Variants in XKR6 observed in about 807,000 individuals in gnomAD.
XKR6 encodes XK-related protein 6.
XKR6 carries 22 observed loss-of-function variants against 56.7 expected under a neutral mutation model. That is an observed-to-expected ratio of 0.39 (90% confidence interval 0.28 to 0.55). XKR6 has a LOEUF of 0.55. Among genes scored for constraint, XKR6 ranks in the 20% least tolerant of loss-of-function variants. XKR6 has a pLI of 0.66. For synonymous variants in XKR6, 524 were observed against 387.8 expected, an observed-to-expected ratio of 1.35 and a Z score of -4.13; for missense variants, 852 against 889.0, an observed-to-expected ratio of 0.96 and a Z score of 0.53.
intron 1 of XKR6, among the ~76,000 whole-genome samples, chr8:11,095,091 T>C (rs970918027): frequency 6.6e-6 from 1 of 152,186 alleles, no homozygotes; most frequent in Admixed American, 6.5e-5. Flanking sequence ...AATTTCCTTA[T>C]AAAATCTTTA....
intron 1 of XKR6, among the ~76,000 whole-genome samples, chr8:11,008,146 TG>T (rs913988803): frequency 2.0e-5 from 3 of 152,208 alleles, no homozygotes; most frequent in African/African-American, 7.2e-5. Flanking sequence ...CACGATGCCC[TG>T]TCCTGCTCAA....
intron 1 of XKR6, among the ~76,000 whole-genome samples, chr8:11,146,112 T>C (rs966018241): frequency 3.9e-5 from 6 of 152,124 alleles, no homozygotes; most frequent in African/African-American, 9.7e-5. Context: ...CAAATAGTAA[T>C]AGAACAACTG....
rs1315136330 is a variant in XKR6, at chr8:10,911,353, GTGTA to G, written c.962-12441_962-12438del. 9.4e-4 allele frequency among the ~76,000 whole-genome samples: 135 copies of G among 144,012 alleles called. 1 individual carries two copies. The highest frequency in any genetic ancestry group is 2.5e-3 in the African/African-American group (97 of 38,500). The allele number at this position is 144,012 out of a possible 152,430, so 94.5% of individuals were successfully genotyped here. The stretch of plus-strand genomic sequence containing the variant: ...TATATATATATATGTGTGTGTGTGT[GTGTA>G]TATATATATATATAGACAGAGAGGG... On this transcript the variant is annotated intron_variant, in intron 2 of 2. Transcript: ENST00000416569.
At chr8:10,927,220 C>T (rs993155756) in intron 1 of XKR6, among the ~76,000 whole-genome samples, 3 of 152,128 alleles carry the variant, frequency 2.0e-5, no homozygotes, top group African/African-American at 4.8e-5. Context: ...GGCAGGGCAT[C>T]AGGGGACATG....
chr8:11,060,309 C>T (rs1367106247), intron 1 of XKR6, among the ~76,000 whole-genome samples: 2 of 152,196 alleles, frequency 1.3e-5, no homozygotes, highest in African/African-American at 4.8e-5. Flanking sequence ...TTCCTCCCGC[C>T]TCCCTGCCTC....
chr8:10,951,547 T>C (rs1219186746), intron 1 of XKR6, among the ~76,000 whole-genome samples: 2 of 152,256 alleles, frequency 1.3e-5, no homozygotes, highest in East Asian at 3.8e-4. Context: ...GGCTTCTTTC[T>C]GATCTCGCCC....
At chr8:10,960,232 A>ACAGGTATAGCAGGTAGGTG (rs1802022207) in intron 1 of XKR6, among the ~76,000 whole-genome samples, 2 of 150,034 alleles carry the variant, frequency 1.3e-5, no homozygotes, top group Non-Finnish European at 3.0e-5. Flanking sequence ...GCAGGTGGGT[A>ACAGGTATAGCAGGTAGGTG]CAGGTATAGC....
At chr8:10,906,726 G>A (rs576232094) in intron 2 of XKR6, among the ~76,000 whole-genome samples, 6 of 152,334 alleles carry the variant, frequency 3.9e-5, no homozygotes, top group East Asian at 1.9e-4. Flanking sequence ...GACATCTCCA[G>A]ATGGACCCTT....
intron 1 of XKR6, among the ~76,000 whole-genome samples, chr8:11,148,193 G>A (rs1038544867): frequency 3.9e-5 from 6 of 152,138 alleles, no homozygotes; most frequent in African/African-American, 9.7e-5. Flanking sequence ...CTGGGCGACA[G>A]AGCAAGACCC....
intron 1 of XKR6, among the ~76,000 whole-genome samples, chr8:11,060,495 G>A (rs182074369): frequency 6.8e-4 from 104 of 152,314 alleles, no homozygotes; most frequent in Non-Finnish European, 1.2e-3. Flanking sequence ...GACAGTTGTG[G>A]GAGACCCTGA....
At chr8:11,179,684 G>C (rs1009471703) in intron 1 of XKR6, among the ~76,000 whole-genome samples, 1 of 152,104 alleles carries the variant, frequency 6.6e-6, no homozygotes, top group Non-Finnish European at 1.5e-5. Context: ...CCAATTGCTC[G>C]GTGTCAACAC....
At chr8:10,955,624 T>C (rs1051016775) in intron 1 of XKR6, among the ~76,000 whole-genome samples, 4 of 152,208 alleles carry the variant, frequency 2.6e-5, no homozygotes, top group African/African-American at 9.7e-5. Flanking sequence ...GTAGTTTGCC[T>C]AAGGTCACAC....
At chr8:11,105,215 C>G (rs979127284) in intron 1 of XKR6, 1 of 152,102 alleles carries the variant, frequency 6.6e-6, no homozygotes. Flanking sequence ...TCTGACTTCA[C>G]AAACCAGTAA....
At chr8:11,131,073 G>C (rs1050092015) in intron 1 of XKR6, among the ~76,000 whole-genome samples, 10 of 152,226 alleles carry the variant, frequency 6.6e-5, no homozygotes, top group South Asian at 4.2e-4. Context: ...TTCTCTTCTA[G>C]CTGTGGATGG....
At chr8:10,937,788 C>T (rs1801257031) in intron 1 of XKR6, among the ~76,000 whole-genome samples, 1 of 151,192 alleles carries the variant, frequency 6.6e-6, no homozygotes, top group Non-Finnish European at 1.5e-5. Context: ...GCTGGGAGAA[C>T]CACTGCTCTC....
intron 1 of XKR6, among the ~76,000 whole-genome samples, chr8:11,147,526 C>T (rs1298919165): frequency 1.3e-5 from 2 of 151,660 alleles, no homozygotes; most frequent in African/African-American, 2.4e-5. Flanking sequence ...TGTGGTGGCA[C>T]GTGCCTATAG....
Position 11,200,175 on chromosome 8 carries a change from C to A in XKR6, c.764+401G>T, listed in dbSNP as rs1043040415. The stretch of plus-strand genomic sequence containing the variant: ...GAGGATGTCTCACCTGGGAACAAAC[C>A]CGAATGCAGCGGCTGGAGGAGGGAA... On this transcript the variant is annotated intron_variant, in intron 1 of 2. Transcript: ENST00000416569. This position sits in a 1 kb window ranked among gnomAD's most constrained non-coding sequence, Gnocchi z 6.4. Among the ~76,000 whole-genome samples the A allele has an allele frequency of 4.6e-5, 7 of 152,160 alleles. No individual in the cohort carries two copies. Among genetic ancestry groups the A allele is most frequent in the Admixed American group, 6.5e-5 (1 of 15,276 alleles).
At chr8:11,017,260 T>G (rs1369405027) in intron 1 of XKR6, among the ~76,000 whole-genome samples, 1 of 152,202 alleles carries the variant, frequency 6.6e-6, no homozygotes, top group East Asian at 1.9e-4. Flanking sequence ...TGGATATGCG[T>G]ATAGATATAG....
intron 1 of XKR6, among the ~76,000 whole-genome samples, chr8:11,193,472 T>C (rs1803695409): frequency 6.6e-6 from 1 of 152,210 alleles, no homozygotes; most frequent in Non-Finnish European, 1.5e-5. Context: ...GAATTTTATG[T>C]AGAACTATAT....
Sources: gnomAD v4.1 joint callset for allele counts (sites outside exome capture counted in the v4.1 genomes callset) on GRCh38, gnomAD v4.1.1 for gene constraint, Gnocchi (gnomAD v3.1) non-coding constraint, MANE v1.5 for transcripts, NCBI Gene and HGNC (gene_info 2026-07-23, HGNC 2026-07-21) for gene names.